Variants in ELAVL2 observed in about 807,000 individuals in gnomAD.
ELAVL2 encodes ELAV like RNA binding protein 2, also known as ELAV-like protein 2.
Under a neutral mutation model 34.6 loss-of-function variants are expected in ELAVL2, and 4 were observed. The observed-to-expected ratio is 0.12, with a 90% CI of 0.06 to 0.26. The LOEUF (loss-of-function observed/expected upper bound fraction) is 0.26. Among genes scored for constraint, ELAVL2 ranks in the 10% least tolerant of loss-of-function variants. ELAVL2 has a pLI of 1.00. For synonymous variants in ELAVL2, 193 were observed against 154.8 expected, an observed-to-expected ratio of 1.25 and a Z score of -1.83; for missense variants, 432 against 442.8, an observed-to-expected ratio of 0.98 and a Z score of 0.22.
chr9:23,767,998 A>G (rs957154510), intron 1 of ELAVL2, among the ~76,000 whole-genome samples: 2 of 152,112 alleles, frequency 1.3e-5, no homozygotes, highest in African/African-American at 4.8e-5. Flanking sequence ...GCCATGGTCA[A>G]CATCCTGACC....
At chr9:23,737,289 T>C (rs536152437) in intron 2 of ELAVL2, among the ~76,000 whole-genome samples, 1 of 152,336 alleles carries the variant, frequency 6.6e-6, no homozygotes, top group Admixed American at 6.5e-5. Flanking sequence ...CTTATAAACA[T>C]GTTCCTCATG....
chr9:23,794,639 C>T (rs559047650), intron 1 of ELAVL2, among the ~76,000 whole-genome samples: 69 of 152,104 alleles, frequency 4.5e-4, no homozygotes, highest in Non-Finnish European at 9.3e-4. Context: ...ATTAGTCAAA[C>T]CAGACTAATT....
At chr9:23,739,552 C>G (rs1343625191) in intron 2 of ELAVL2, among the ~76,000 whole-genome samples, 1 of 151,704 alleles carries the variant, frequency 6.6e-6, no homozygotes, top group East Asian at 1.9e-4. Context: ...CCTACCCCCA[C>G]CCCCACACAC....
At chr9:23,746,453 A>G (rs780639132) in intron 2 of ELAVL2, among the ~76,000 whole-genome samples, 3 of 152,160 alleles carry the variant, frequency 2.0e-5, no homozygotes, top group Non-Finnish European at 2.9e-5. Flanking sequence ...CGTTTTCAGA[A>G]TGAGTAAGGG....
chr9:23,791,102 A>C (rs1333546608), intron 1 of ELAVL2, among the ~76,000 whole-genome samples: 2 of 152,230 alleles, frequency 1.3e-5, no homozygotes, highest in East Asian at 3.8e-4. Context: ...TCAAACTATA[A>C]AACTGAAGAG....
the ELAVL2 span, among the ~76,000 whole-genome samples, chr9:23,843,543 T>C: frequency 1.3e-5 from 2 of 152,080 alleles, no homozygotes; most frequent in African/African-American, 2.4e-5. Flanking sequence ...CCATTGCAAA[T>C]GTGAAAGTAA....
chr9:23,787,858 A>G (rs959935935), intron 1 of ELAVL2, among the ~76,000 whole-genome samples: 13 of 152,218 alleles, frequency 8.5e-5, no homozygotes, highest in Admixed American at 7.2e-4. Flanking sequence ...AACAAACAAG[A>G]GTCAAATAAT....
chr9:23,744,823 C>T (rs1451378303), intron 2 of ELAVL2, among the ~76,000 whole-genome samples: 1 of 152,086 alleles, frequency 6.6e-6, no homozygotes, highest in African/African-American at 2.4e-5. Context: ...TTATTCCCTA[C>T]AAAGCTAATT....
At chr9:23,698,557 A>G (rs1008017741) in intron 5 of ELAVL2, among the ~76,000 whole-genome samples, 1 of 152,212 alleles carries the variant, frequency 6.6e-6, no homozygotes, top group Non-Finnish European at 1.5e-5. Context: ...CTATGAGAAC[A>G]TAAAAATACA....
intron 1 of ELAVL2, among the ~76,000 whole-genome samples, chr9:23,824,662 A>ACATCCT (rs542207252): frequency 2.8e-4 from 42 of 152,240 alleles, no homozygotes; most frequent in African/African-American, 9.6e-4. Flanking sequence ...CGGCCCACGA[A>ACATCCT]CATCCTCCCC....
chr9:23,739,800 C>A (rs1564192512), intron 2 of ELAVL2, among the ~76,000 whole-genome samples: 1 of 152,042 alleles, frequency 6.6e-6, no homozygotes, highest in Admixed American at 6.6e-5. Context: ...CACACACGCA[C>A]ACACCCCCCC....
chr9:23,734,358 G>A (rs538045389), intron 2 of ELAVL2, among the ~76,000 whole-genome samples: 41 of 152,210 alleles, frequency 2.7e-4, no homozygotes, highest in Admixed American at 2.6e-3. Context: ...AACCATGTTC[G>A]GTATTCAGAT....
At chr9:23,781,517 CCTTT>C (rs965868381) in intron 1 of ELAVL2, among the ~76,000 whole-genome samples, 7 of 143,392 alleles carry the variant, frequency 4.9e-5, no homozygotes, top group East Asian at 4.5e-4. Flanking sequence ...TTTTTTCTTT[CCTTT>C]TTTTTTTTTT....
intron 3 of ELAVL2, among the ~76,000 whole-genome samples, chr9:23,723,232 T>C (rs953264682): frequency 3.9e-5 from 6 of 152,148 alleles, no homozygotes; most frequent in Non-Finnish European, 7.3e-5. Context: ...CATGGAATAC[T>C]ATGCAGCCAT....
At chr9:23,831,776 G>A in the ELAVL2 span, among the ~76,000 whole-genome samples, 2 of 151,254 alleles carry the variant, frequency 1.3e-5, no homozygotes, top group African/African-American at 2.4e-5. Flanking sequence ...GGCAGGCAGA[G>A]GGGGCGCCTG....
At chr9:23,818,227 T>A (rs1023311734) in intron 1 of ELAVL2, among the ~76,000 whole-genome samples, 1 of 152,162 alleles carries the variant, frequency 6.6e-6, no homozygotes, top group Non-Finnish European at 1.5e-5. Flanking sequence ...TCACTAGACA[T>A]AAAGCCTTCA....
In ELAVL2 at chr9:23,731,119, C is replaced by T; in HGVS notation, c.236G>A (p.Ser79Asn). Residue 79 changes from serine to asparagine, a missense_variant, in exon 3 of 7, where the codon AGC becomes AAC. By Grantham distance (46) the Ser-to-Asn change is conservative. Coordinates refer to ENST00000397312, the MANE Select transcript of ELAVL2 (RefSeq NM_004432.5). ...KLVRDKITGQ[S>N]LGYGFVNYID... ...GTAGTTCACAAAGCCATATCCCAAGCTCTGCCCTAATGAAAAGGAAGGGGA... is the reference window on the plus strand; with the variant it reads ...GTAGTTCACAAAGCCATATCCCAAGTTCTGCCCTAATGAAAAGGAAGGGGA... 6.2e-7 allele frequency: 1 copy of T among 1,611,612 alleles called. No homozygotes were observed. Among genetic ancestry groups the T allele is most frequent in the Non-Finnish European group, 8.5e-7 (1 of 1,178,914 alleles).
rs1312148247 is a variant in ELAVL2, at chr9:23,779,562, C to G, written c.-15-17313G>C. 5.3e-5 allele frequency among the ~76,000 whole-genome samples: 8 copies of G among 152,222 alleles called. No individual in the cohort carries two copies. In the East Asian group the frequency reaches 1.4e-3, roughly 26 times the overall value. ...GTTTCCTGTGTAAGGTTTCAAAATA[C>G]TGCAACACTGTCCCTAGGTGCATTT... On this transcript the variant is annotated intron_variant, in intron 1 of 6. Coordinates refer to ENST00000397312, the MANE Select transcript of ELAVL2 (RefSeq NM_004432.5).
At chr9:23,768,058 C>T (rs985646116) in intron 1 of ELAVL2, among the ~76,000 whole-genome samples, 1 of 151,976 alleles carries the variant, frequency 6.6e-6, no homozygotes, top group Non-Finnish European at 1.5e-5. Flanking sequence ...CCAAAAGGTC[C>T]CTCTCTCCTC....
Sources: gnomAD v4.1 joint callset for allele counts (sites outside exome capture counted in the v4.1 genomes callset) on GRCh38, gnomAD v4.1.1 for gene constraint, MANE v1.5 for transcripts, NCBI Gene and HGNC (gene_info 2026-07-23, HGNC 2026-07-21) for gene names.